The following NRG3 variants were observed in gnomAD, a reference collection of about 807,000 sequenced individuals.
NRG3 encodes the protein pro-neuregulin-3, membrane-bound isoform.
A neutral mutation model predicts 66.9 loss-of-function variants in NRG3; 31 were observed. The ratio of observed to expected loss-of-function variants is 0.46; its 90% CI spans 0.35 to 0.63. The LOEUF (loss-of-function observed/expected upper bound fraction) is 0.63. Ranked by LOEUF, NRG3 falls within the 20% of genes least tolerant of loss-of-function variation. The pLI is 0.00. For missense variants in NRG3, 910 were observed against 878.9 expected, an observed-to-expected ratio of 1.04 and a Z score of -0.45; for synonymous variants, 393 against 359.4, an observed-to-expected ratio of 1.09 and a Z score of -1.06.
At chr10:82,076,603 C>T (rs1313264106) in intron 1 of NRG3, among the ~76,000 whole-genome samples, 1 of 152,078 alleles carries the variant, frequency 6.6e-6, no homozygotes, top group Non-Finnish European at 1.5e-5. Context: ...GGTGCCATAC[C>T]CATGGTATGA....
intron 2 of NRG3, among the ~76,000 whole-genome samples, chr10:82,468,016 A>C (rs1468332463): frequency 6.6e-6 from 1 of 152,212 alleles, no homozygotes; most frequent in Admixed American, 6.5e-5. Context: ...AGCACCTGCT[A>C]TATATGCCCC....
chr10:82,677,582 CTT>C (rs1431441364), intron 2 of NRG3, among the ~76,000 whole-genome samples: 2 of 152,078 alleles, frequency 1.3e-5, no homozygotes, highest in Non-Finnish European at 2.9e-5. Context: ...GTCTGAAACT[CTT>C]TTCATAGACT....
intron 1 of NRG3, among the ~76,000 whole-genome samples, chr10:81,951,610 T>C (rs1220004823): frequency 6.6e-6 from 1 of 152,172 alleles, no homozygotes; most frequent in African/African-American, 2.4e-5. Flanking sequence ...CTCTAACCTA[T>C]TGGGGTCCAA....
intron 1 of NRG3, among the ~76,000 whole-genome samples, chr10:82,101,093 A>G (rs1475727419): frequency 6.6e-6 from 1 of 151,818 alleles, no homozygotes; most frequent in East Asian, 1.9e-4. Flanking sequence ...GAATTGGCAC[A>G]TTTCCTCTAT....
chr10:82,956,861 G>A (rs1850098465), intron 5 of NRG3, among the ~76,000 whole-genome samples: 1 of 151,972 alleles, frequency 6.6e-6, no homozygotes, highest in African/African-American at 2.4e-5. Flanking sequence ...TAGATTAGCT[G>A]TTAGGAAGCA....
intron 3 of NRG3, among the ~76,000 whole-genome samples, chr10:82,808,274 A>G (rs187763570): frequency 4.2e-4 from 64 of 151,896 alleles, no homozygotes; most frequent in Non-Finnish European, 8.5e-4. Context: ...TTTTGTTTAT[A>G]GCTTATAAAT....
At chr10:81,933,336 T>C (rs1032579744) in intron 1 of NRG3, among the ~76,000 whole-genome samples, 32 of 152,146 alleles carry the variant, frequency 2.1e-4, no homozygotes, top group African/African-American at 7.7e-4. Flanking sequence ...TAGATACTTA[T>C]GTCCCAATTT....
intron 1 of NRG3, among the ~76,000 whole-genome samples, chr10:81,890,944 C>A (rs773254828): frequency 2.0e-5 from 3 of 152,190 alleles, no homozygotes; most frequent in Non-Finnish European, 2.9e-5. Flanking sequence ...CAAATGAAAT[C>A]ATCTGTTCCC....
At chr10:82,973,945 G>C (rs1361406524) in intron 7 of NRG3, 30 bp downstream of exon 7, 1 of 1,612,608 alleles carries the variant, frequency 6.2e-7, no homozygotes, top group East Asian at 2.2e-5. Flanking sequence ...GTGGGTGTGG[G>C]CACCTTCACA....
intron 4 of NRG3, among the ~76,000 whole-genome samples, chr10:82,944,882 A>G (rs1848872488): frequency 6.6e-6 from 1 of 152,238 alleles, no homozygotes; most frequent in African/African-American, 2.4e-5. Flanking sequence ...AGAAAATAGA[A>G]GAAATAAAGG....
At chr10:82,079,221 T>A (rs1210419724) in intron 1 of NRG3, among the ~76,000 whole-genome samples, 1 of 152,036 alleles carries the variant, frequency 6.6e-6, no homozygotes, top group Non-Finnish European at 1.5e-5. Flanking sequence ...ATTTTTCTAT[T>A]TTTAGTAGAG....
chr10:82,792,097 T>C (rs561793923), intron 3 of NRG3, among the ~76,000 whole-genome samples: 5 of 152,198 alleles, frequency 3.3e-5, no homozygotes, highest in Non-Finnish European at 7.3e-5. Flanking sequence ...TTTTCTTCTA[T>C]AAACACTCCT....
intron 1 of NRG3, among the ~76,000 whole-genome samples, chr10:82,272,197 C>G (rs531934593): frequency 6.6e-6 from 1 of 151,880 alleles, no homozygotes; most frequent in Non-Finnish European, 1.5e-5. Flanking sequence ...TGAATTGATA[C>G]CTGCATGATG....
chr10:82,356,668 G>A (rs534184301), intron 1 of NRG3, among the ~76,000 whole-genome samples: 3 of 152,302 alleles, frequency 2.0e-5, no homozygotes, highest in African/African-American at 7.2e-5. Flanking sequence ...AATACCAATA[G>A]TGGTTTATTT....
chr10:82,435,547 G>A (rs113375083), intron 2 of NRG3, among the ~76,000 whole-genome samples: 274 of 151,708 alleles, frequency 1.8e-3, no homozygotes, highest in African/African-American at 6.1e-3. Context: ...TTAAGTTGTC[G>A]ATATGAGATC....
intron 1 of NRG3, among the ~76,000 whole-genome samples, chr10:81,950,029 C>T (rs1482336667): frequency 1.3e-5 from 2 of 152,146 alleles, no homozygotes; most frequent in Non-Finnish European, 2.9e-5. Flanking sequence ...CAGAAGCCCT[C>T]CTGCTCGAAG....
intron 1 of NRG3, chr10:81,877,721 C>G (rs1285402041): frequency 3.0e-6 from 4 of 1,344,268 alleles, no homozygotes; most frequent in Non-Finnish European, 3.8e-6. Context: ...TGCCACAAAC[C>G]AGAATGGCAG....
intron 3 of NRG3, among the ~76,000 whole-genome samples, chr10:82,755,599 G>A (rs547774484): frequency 3.3e-5 from 5 of 152,080 alleles, no homozygotes; most frequent in Non-Finnish European, 5.9e-5. Flanking sequence ...CCACTGGGGT[G>A]GGGAGTTTCC....
chr10:82,017,488 G>A (rs2061839703), intron 1 of NRG3, among the ~76,000 whole-genome samples: 1 of 152,048 alleles, frequency 6.6e-6, no homozygotes, highest in African/African-American at 2.4e-5. Flanking sequence ...AGTATTTCTA[G>A]TTCTAGATCC....
Sources: gnomAD v4.1 joint callset for allele counts (sites outside exome capture counted in the v4.1 genomes callset) on GRCh38, gnomAD v4.1.1 for gene constraint, MANE v1.5 for transcripts, NCBI Gene and HGNC (gene_info 2026-07-23, HGNC 2026-07-21) for gene names.